The following HDAC8 variants were observed in gnomAD, a reference collection of about 807,000 sequenced individuals.
The protein encoded by HDAC8 is histone deacetylase 8, also known as histone deacetylase-like 1.
Under a neutral mutation model 32.2 loss-of-function variants are expected in HDAC8, and 1 was observed. The ratio of observed to expected loss-of-function variants is 0.03; its 90% CI spans 0.01 to 0.15. The LOEUF is 0.15. Among genes scored for constraint, HDAC8 ranks in the 10% least tolerant of loss-of-function variants. The pLI is 1.00. For missense variants in HDAC8, 117 were observed against 300.0 expected (o/e 0.39, Z 4.51); for synonymous variants, 108 against 113.9 (o/e 0.95, Z 0.33).
chrX:72,453,524 A>AAAGAAAG (rs782366543), intron 9 of HDAC8, among the ~76,000 whole-genome samples: 65 of 99,786 alleles, frequency 6.5e-4, no homozygotes, highest in Non-Finnish European at 1.2e-3. Flanking sequence ...AAGAAAGAAA[A>AAAGAAAG]AGAAAGAAAA....
chrX:72,334,624 T>C (rs1390521137), intron 10 of HDAC8, among the ~76,000 whole-genome samples: 1 of 111,896 alleles, frequency 8.9e-6, no homozygotes, highest in Non-Finnish European at 1.9e-5. Context: ...GTTTCCACTG[T>C]GTTAAATTTG....
intron 9 of HDAC8, among the ~76,000 whole-genome samples, chrX:72,407,517 G>T (rs2046077854): frequency 8.9e-6 from 1 of 111,774 alleles, no homozygotes; most frequent in African/African-American, 3.3e-5. Flanking sequence ...ATGTGACAAA[G>T]ACCCCATCTT....
At chrX:72,365,959 G>A (rs1291365938) in intron 9 of HDAC8, among the ~76,000 whole-genome samples, 2 of 112,427 alleles carry the variant, frequency 1.8e-5, no homozygotes, top group African/African-American at 3.2e-5. Flanking sequence ...ACTCCTGTGT[G>A]CCAGGCTCTG....
At chrX:72,382,315 G>A (rs1233855652) in intron 9 of HDAC8, among the ~76,000 whole-genome samples, 1 of 112,264 alleles carries the variant, frequency 8.9e-6, no homozygotes, top group Admixed American at 9.4e-5. Flanking sequence ...TCCTAGACTA[G>A]ACCAGTGCCA....
At chrX:72,454,258 A>C (rs2047665430) in intron 9 of HDAC8, among the ~76,000 whole-genome samples, 2 of 112,132 alleles carry the variant, frequency 1.8e-5, no homozygotes, top group African/African-American at 6.5e-5. Context: ...AGAGGAGCAA[A>C]GCATGCTGTT....
intron 7 of HDAC8, among the ~76,000 whole-genome samples, chrX:72,482,140 G>T (rs1441169723): frequency 9.0e-6 from 1 of 111,583 alleles, no homozygotes; most frequent in Non-Finnish European, 1.9e-5. Flanking sequence ...CATGGATGGA[G>T]AATCTCTACC....
chrX:72,443,968 C>A (rs1555983341), intron 9 of HDAC8, among the ~76,000 whole-genome samples: 1 of 107,675 alleles, frequency 9.3e-6, no homozygotes, highest in Non-Finnish European at 1.9e-5. Flanking sequence ...CACATACACC[C>A]TCCCAAGACT....
chrX:72,353,182 C>T (rs186539217), intron 9 of HDAC8, among the ~76,000 whole-genome samples: 103 of 112,048 alleles, frequency 9.2e-4, no homozygotes, highest in African/African-American at 3.2e-3. Flanking sequence ...CATCTGGCAC[C>T]GTGGGAGATG....
intron 9 of HDAC8, among the ~76,000 whole-genome samples, chrX:72,441,260 C>A (rs181762942): frequency 1.2e-4 from 13 of 112,631 alleles, no homozygotes; most frequent in Non-Finnish European, 2.3e-4. Flanking sequence ...CCCTGACACC[C>A]GAGCAGCCTA....
chrX:72,385,064 T>C (rs1400639125), intron 9 of HDAC8, among the ~76,000 whole-genome samples: 1 of 112,322 alleles, frequency 8.9e-6, no homozygotes, highest in Non-Finnish European at 1.9e-5. Flanking sequence ...GAAAATTCTT[T>C]TTTTTTTTCC....
In HDAC8 at chrX:72,354,186, A is replaced by G. The variant is rs148780301; in HGVS notation, c.1006-2348T>C. Among the ~76,000 whole-genome samples the G allele has an allele frequency of 3.7e-3, 416 of 112,376 alleles. 3 individuals carry two copies. Among genetic ancestry groups the G allele is most frequent in the African/African-American group, 0.012 (378 of 30,926 alleles). On this transcript the variant is annotated intron_variant, in intron 9 of 10. Coordinates refer to ENST00000373573, the MANE Select transcript of HDAC8 (RefSeq NM_018486.3). Reference sequence around the variant, plus strand: ...CGACACGGTAGGCACAGTCATACATAACCCATTCTTTGCTGAAGCAGGCTG... The same window carrying G: ...CGACACGGTAGGCACAGTCATACATGACCCATTCTTTGCTGAAGCAGGCTG...
intron 9 of HDAC8, among the ~76,000 whole-genome samples, chrX:72,393,293 G>C (rs979134175): frequency 4.7e-4 from 52 of 111,557 alleles, no homozygotes; most frequent in African/African-American, 1.6e-3. Flanking sequence ...AGAAAGAAAA[G>C]GAGGGCCAGA....
At chrX:72,441,260 C>T (rs181762942) in intron 9 of HDAC8, among the ~76,000 whole-genome samples, 13 of 112,685 alleles carry the variant, frequency 1.2e-4, no homozygotes, top group East Asian at 5.6e-4. Flanking sequence ...CCCTGACACC[C>T]GAGCAGCCTA....
chrX:72,483,360 G>A (rs2048568966), intron 7 of HDAC8, among the ~76,000 whole-genome samples: 1 of 111,356 alleles, frequency 9.0e-6, no homozygotes, highest in African/African-American at 3.3e-5. Flanking sequence ...ATGGTAATGA[G>A]TTAATTCTCA....
intron 4 of HDAC8, among the ~76,000 whole-genome samples, chrX:72,519,843 G>T (rs1297518113): frequency 1.8e-5 from 2 of 111,867 alleles, no homozygotes; most frequent in Non-Finnish European, 3.8e-5. Flanking sequence ...ATCTGCCTCA[G>T]CCTCCCAAAG....
chrX:72,367,707 C>T (rs782505019), intron 9 of HDAC8, among the ~76,000 whole-genome samples: 1 of 112,356 alleles, frequency 8.9e-6, no homozygotes, highest in East Asian at 2.8e-4. Context: ...TTTAATGCCC[C>T]TCTAATGAAG....
intron 4 of HDAC8, among the ~76,000 whole-genome samples, chrX:72,501,150 G>A (rs947288372): frequency 1.4e-4 from 16 of 111,956 alleles, no homozygotes; most frequent in Admixed American, 2.8e-4. Context: ...AACATCCCAT[G>A]CTCATGGATA....
chrX:72,440,738 C>T (rs1555981380), intron 9 of HDAC8, among the ~76,000 whole-genome samples: 1 of 112,047 alleles, frequency 8.9e-6, no homozygotes, highest in Non-Finnish European at 1.9e-5. Context: ...GGCATTGCCT[C>T]ACTTGGGAAG....
chrX:72,560,335 T>C lies in HDAC8; in HGVS notation c.437+7554A>G, dbSNP rs1471229818. 3.5e-4 allele frequency among the ~76,000 whole-genome samples: 38 copies of C among 109,782 alleles called. 1 individual carries two copies. Among genetic ancestry groups the C allele is most frequent in the African/African-American group, 1.1e-3 (34 of 30,219 alleles). On this transcript the variant is annotated intron_variant, in intron 4 of 10. Coordinates refer to ENST00000373573, the MANE Select transcript of HDAC8 (RefSeq NM_018486.3). ...AATGGATTAAGGGCGTTGCAAGATG[T>C]GCTTTGTTAAACAGATGCTTGAAGG...
Sources: allele counts gnomAD v4.1 joint callset (sites outside exome capture counted in the v4.1 genomes callset), GRCh38; gene constraint gnomAD v4.1.1; transcripts MANE v1.5; gene names NCBI Gene and HGNC (gene_info 2026-07-23, HGNC 2026-07-21).